Variants in CMSS1 observed in about 807,000 individuals in gnomAD.
CMSS1 encodes cms1 ribosomal small subunit homolog.
In CMSS1, 33 loss-of-function variants were observed where a neutral mutation model predicts 43.5. That is an observed-to-expected ratio of 0.76 (90% CI 0.57 to 1.01). CMSS1 has a LOEUF of 1.01. CMSS1 is among the 50% of genes least tolerant of loss of function. The pLI is 0.00. For synonymous variants in CMSS1, 115 were observed against 117.2 expected, an observed-to-expected ratio of 0.98 and a Z score of 0.12; for missense variants, 313 against 326.4, an observed-to-expected ratio of 0.96 and a Z score of 0.32.
chr3:99,883,518 G>T (rs184407585), intron 1 of CMSS1, among the ~76,000 whole-genome samples: 7 of 152,132 alleles, frequency 4.6e-5, no homozygotes, highest in African/African-American at 1.7e-4. Flanking sequence ...GTGAATGTGT[G>T]TGTTGGCTGG....
chr3:100,156,313 T>C (rs951930715), intron 2 of CMSS1, among the ~76,000 whole-genome samples: 3 of 136,846 alleles, frequency 2.2e-5, no homozygotes, highest in Middle Eastern at 3.5e-3. Flanking sequence ...TTTTTTTTTT[T>C]TTTTTTTTTT....
At chr3:100,147,355 T>C (rs1441146036) in intron 2 of CMSS1, among the ~76,000 whole-genome samples, 1 of 150,144 alleles carries the variant, frequency 6.7e-6, no homozygotes, top group East Asian at 2.0e-4. Context: ...ACTGCAACCT[T>C]GACCTTCTGG....
At chr3:99,980,028 G>T (rs544750135) in intron 1 of CMSS1, among the ~76,000 whole-genome samples, 5 of 152,282 alleles carry the variant, frequency 3.3e-5, no homozygotes, top group Admixed American at 1.3e-4. Flanking sequence ...GCAGCACTGG[G>T]GGGAAAGAAT....
chr3:100,084,767 A>G (rs1002345342), intron 1 of CMSS1, among the ~76,000 whole-genome samples: 1 of 152,220 alleles, frequency 6.6e-6, no homozygotes, highest in African/African-American at 2.4e-5. Flanking sequence ...TATAAATCAA[A>G]TCATAGTTTT....
chr3:99,968,702 G>C (rs1473444447), intron 1 of CMSS1, among the ~76,000 whole-genome samples: 1 of 152,092 alleles, frequency 6.6e-6, no homozygotes, highest in Non-Finnish European at 1.5e-5. Flanking sequence ...AGACTGGAAA[G>C]GAAAAAACAG....
intron 1 of CMSS1, chr3:99,898,768 A>G (rs1706343229): frequency 6.7e-6 from 1 of 149,282 alleles, no homozygotes; most frequent in Non-Finnish European, 1.5e-5. Flanking sequence ...TCCATCTAAA[A>G]AAAAAAAAAA....
At chr3:100,012,679 C>T (rs1254149938) in intron 1 of CMSS1, among the ~76,000 whole-genome samples, 1 of 151,796 alleles carries the variant, frequency 6.6e-6, no homozygotes, top group Non-Finnish European at 1.5e-5. Context: ...CATGGTTGCC[C>T]CAATTATAAA....
intron 1 of CMSS1, among the ~76,000 whole-genome samples, chr3:100,130,189 T>G (rs186650911): frequency 1.1e-4 from 17 of 152,342 alleles, no homozygotes; most frequent in African/African-American, 3.8e-4. Flanking sequence ...GTGTCCTGTT[T>G]TATAGATAAC....
At chr3:100,027,013 T>C (rs2064936004) in intron 1 of CMSS1, among the ~76,000 whole-genome samples, 1 of 152,172 alleles carries the variant, frequency 6.6e-6, no homozygotes, top group Non-Finnish European at 1.5e-5. Flanking sequence ...GTGACCTTTG[T>C]CCTTGCTGTT....
rs1238418209 is a variant in CMSS1, at chr3:99,983,460, GTGTGTATATATATATATATATATATA to G, written c.65-163511_65-163486del. ...TATATATGTATGTATATATATATATGTGTGTATATATATATATATATATATATATATATATATATATATATATATGT... is the reference window on the plus strand; with the variant it reads ...TATATATGTATGTATATATATATATGTATATATATATATATATATATATGT... On this transcript the variant is annotated intron_variant, in intron 1 of 9. Transcript: ENST00000421999. 2.1e-3 allele frequency among the ~76,000 whole-genome samples: 147 copies of G among 69,474 alleles called. 4 individuals are homozygous for G. The East Asian group carries it at 0.023, about 11-fold the overall frequency. The allele number at this position is 69,474 out of a possible 152,430, so 45.6% of individuals were successfully genotyped here.
chr3:100,164,523 G>A (rs993196362), intron 4 of CMSS1, among the ~76,000 whole-genome samples: 19 of 152,178 alleles, frequency 1.2e-4, no homozygotes, highest in African/African-American at 4.3e-4. Context: ...ATGGTTTGGG[G>A]AGGAAGGAAA....
At chr3:99,850,797 C>G in intron 1 of CMSS1, 1 of 1,614,166 alleles carries the variant, frequency 6.2e-7, no homozygotes. Context: ...TTTGCAGTTC[C>G]TTCTCTAGTC....
chr3:100,172,504 C>A, intron 8 of CMSS1, 101 bp downstream of exon 8: 1 of 839,786 alleles, frequency 1.2e-6, no homozygotes, highest in South Asian at 1.7e-5. Context: ...AAAACCAGAC[C>A]TCTGTGTTAA....
intron 1 of CMSS1, among the ~76,000 whole-genome samples, chr3:99,971,333 C>CAAA (rs34655586): frequency 4.1e-5 from 5 of 121,490 alleles, no homozygotes; most frequent in Non-Finnish European, 5.2e-5. Flanking sequence ...GAGCCCATCT[C>CAAA]AAAAAAAAAA....
intron 1 of CMSS1, among the ~76,000 whole-genome samples, chr3:99,928,574 G>T (rs542670968): frequency 1.3e-5 from 2 of 152,278 alleles, no homozygotes; most frequent in South Asian, 4.1e-4. Context: ...AATTTTGCAT[G>T]TGCACAATAG....
chr3:99,983,418 ATGTATGTATGTATGTATATATATGTATG>A (rs1709200812), intron 1 of CMSS1, among the ~76,000 whole-genome samples: 5 of 82,066 alleles, frequency 6.1e-5, no homozygotes, highest in African/African-American at 2.6e-4. Flanking sequence ...ATATATATAT[ATGTATGTATGTATGTATATATATGTATG>A]TATATATATA....
chr3:99,964,213 T>C (rs1478184902), intron 1 of CMSS1: 2 of 152,322 alleles, frequency 1.3e-5, no homozygotes, highest in Non-Finnish European at 2.9e-5. Context: ...TTCAGTTAGA[T>C]TTAATTTTTA....
At chr3:99,915,095 T>A (rs1165594568) in intron 1 of CMSS1, among the ~76,000 whole-genome samples, 1 of 152,220 alleles carries the variant, frequency 6.6e-6, no homozygotes, top group East Asian at 1.9e-4. Context: ...TGCTCTTAAT[T>A]CTGCCTTCTT....
intron 1 of CMSS1, among the ~76,000 whole-genome samples, 153 bp from the exon 2 acceptor site, chr3:100,146,820 A>G (rs972957324): frequency 6.6e-6 from 1 of 152,218 alleles, no homozygotes; most frequent in Non-Finnish European, 1.5e-5. Flanking sequence ...GTGCTTAAAT[A>G]TCTGTTTTAC....
Sources: gnomAD v4.1 joint callset for allele counts (sites outside exome capture counted in the v4.1 genomes callset) on GRCh38, gnomAD v4.1.1 for gene constraint, MANE v1.5 for transcripts, NCBI Gene and HGNC (gene_info 2026-07-23, HGNC 2026-07-21) for gene names.